FSTL4: variants seen among roughly 807,000 people sequenced by gnomAD.
FSTL4 encodes the protein follistatin-related protein 4.
FSTL4 carries 28 observed loss-of-function variants against 78.2 expected under a neutral mutation model. The ratio of observed to expected loss-of-function variants is 0.36; its 90% confidence interval spans 0.27 to 0.49. The LOEUF (loss-of-function observed/expected upper bound fraction) is 0.49. FSTL4 is among the 20% of genes least tolerant of loss of function. FSTL4 has a pLI of 0.98. For missense variants in FSTL4, 922 were observed against 1,084.9 expected, an observed-to-expected ratio of 0.85 and a Z score of 2.11; for synonymous variants, 422 against 440.5, an observed-to-expected ratio of 0.96 and a Z score of 0.53.
intron 4 of FSTL4, among the ~76,000 whole-genome samples, chr5:133,348,676 C>G (rs1277465066): frequency 6.6e-6 from 1 of 152,240 alleles, no homozygotes; most frequent in African/African-American, 2.4e-5. Flanking sequence ...ACCTGTGCCT[C>G]TCTAGTCCAG....
chr5:133,600,466 C>T (rs565496849), intron 2 of FSTL4, among the ~76,000 whole-genome samples: 13 of 151,898 alleles, frequency 8.6e-5, no homozygotes, highest in African/African-American at 3.1e-4. Flanking sequence ...ATAAATTGTA[C>T]CTCTCAGAAT....
chr5:133,502,123 G>A (rs774013523), intron 3 of FSTL4, among the ~76,000 whole-genome samples: 1 of 152,218 alleles, frequency 6.6e-6, no homozygotes, highest in Non-Finnish European at 1.5e-5. Flanking sequence ...CTCCAGAACT[G>A]TGAGAGAATA....
At position 133,401,042 on chromosome 5, in the gene FSTL4, C is replaced by G. The variant is rs934081981; in HGVS notation, c.161-56G>C. 8.2e-6 allele frequency: 13 copies of G among 1,588,628 alleles called. No individual in the cohort carries two copies. The African/African-American group carries it at 1.5e-4, about 18-fold the overall frequency. On this transcript the variant is annotated intron_variant, in intron 3 of 15. Coordinates refer to ENST00000265342, the MANE Select transcript of FSTL4 (RefSeq NM_015082.2). ...TGTAAACACTCAGAGGGTCTGGGGT[C>G]GAGGGCTTCCTTTGTAGCTCACAAG...
chr5:133,504,842 T>C (rs1758580664), intron 3 of FSTL4, among the ~76,000 whole-genome samples: 1 of 152,204 alleles, frequency 6.6e-6, no homozygotes, highest in Non-Finnish European at 1.5e-5. Flanking sequence ...TTTTCCTTCA[T>C]AGCTCTTATC....
chr5:133,422,327 C>T (rs1756714245), intron 3 of FSTL4, among the ~76,000 whole-genome samples: 1 of 151,910 alleles, frequency 6.6e-6, no homozygotes, highest in Non-Finnish European at 1.5e-5. Context: ...GGAGGATTGA[C>T]AGAAATGTGG....
chr5:133,470,520 G>A (rs993573942), intron 3 of FSTL4, among the ~76,000 whole-genome samples: 4 of 152,186 alleles, frequency 2.6e-5, no homozygotes, highest in South Asian at 2.1e-4. Context: ...TGAGGCAGGC[G>A]GATCACCTGG....
chr5:133,299,528 C>G (rs1303793483), intron 6 of FSTL4, among the ~76,000 whole-genome samples: 1 of 152,190 alleles, frequency 6.6e-6, no homozygotes, highest in East Asian at 1.9e-4. Context: ...CCAAAGTGGA[C>G]AGTCAGCCTC....
chr5:133,562,738 G>A (rs1439477123), intron 3 of FSTL4, among the ~76,000 whole-genome samples: 1 of 152,176 alleles, frequency 6.6e-6, no homozygotes, highest in African/African-American at 2.4e-5. Context: ...GCACAATCAC[G>A]GACATCTGGA....
At chr5:133,680,358 C>T in the FSTL4 span, among the ~76,000 whole-genome samples, 1 of 152,204 alleles carries the variant, frequency 6.6e-6, no homozygotes, top group Non-Finnish European at 1.5e-5. Context: ...AGGATTTCCA[C>T]CAGACGTGTA....
chr5:133,369,032 T>G (rs1399513797), intron 4 of FSTL4, among the ~76,000 whole-genome samples: 2 of 152,146 alleles, frequency 1.3e-5, no homozygotes, highest in South Asian at 4.1e-4. Flanking sequence ...GAGCCAAATG[T>G]AGGTACCCAT....
At chr5:133,624,998 T>G in the FSTL4 span, among the ~76,000 whole-genome samples, 3 of 151,792 alleles carry the variant, frequency 2.0e-5, no homozygotes, top group East Asian at 5.8e-4. Flanking sequence ...TATATAATTC[T>G]TTTTATATTT....
chr5:133,668,018 G>A, the FSTL4 span, among the ~76,000 whole-genome samples: 1 of 152,228 alleles, frequency 6.6e-6, no homozygotes, highest in Non-Finnish European at 1.5e-5. Flanking sequence ...TCACTCACAT[G>A]TTTGTGGTGA....
the FSTL4 span, among the ~76,000 whole-genome samples, chr5:133,756,622 C>T: frequency 6.6e-6 from 1 of 152,144 alleles, no homozygotes; most frequent in Non-Finnish European, 1.5e-5. Context: ...TTCACTTCTT[C>T]TCACACCCAC....
chr5:133,244,338 G>C (rs1253975163), intron 7 of FSTL4: 1 of 152,458 alleles, frequency 6.6e-6, no homozygotes, highest in African/African-American at 2.4e-5. Context: ...GGGTGCTGCT[G>C]GTGGCCACGC....
At chr5:133,530,838 C>A (rs1759236053) in intron 3 of FSTL4, among the ~76,000 whole-genome samples, 2 of 152,192 alleles carry the variant, frequency 1.3e-5, no homozygotes, top group Non-Finnish European at 2.9e-5. Flanking sequence ...AGAGACCTGG[C>A]AGGCTGAGCT....
At chr5:133,450,332 C>T (rs957923790) in intron 3 of FSTL4, among the ~76,000 whole-genome samples, 8 of 152,332 alleles carry the variant, frequency 5.3e-5, no homozygotes, top group African/African-American at 1.7e-4. Context: ...GGTGAACCTA[C>T]TGAGCCCAGA....
intron 7 of FSTL4, among the ~76,000 whole-genome samples, chr5:133,240,830 A>C (rs3763135): frequency 0.25 from 37,452 of 151,954 alleles, 5,947 homozygotes; most frequent in East Asian, 0.49. Flanking sequence ...CCTGAGAGGA[A>C]GGATAGTTAA....
At chr5:133,606,562 A>T (rs970234206) in intron 1 of FSTL4, among the ~76,000 whole-genome samples, 6 of 152,228 alleles carry the variant, frequency 3.9e-5, no homozygotes, top group African/African-American at 9.6e-5. Flanking sequence ...CAGCCATAGA[A>T]ATTTAAGCTA....
chr5:133,327,997 C>T (rs1194176781), intron 4 of FSTL4, among the ~76,000 whole-genome samples: 1 of 152,222 alleles, frequency 6.6e-6, no homozygotes, highest in East Asian at 1.9e-4. Context: ...GGTCTTTTCC[C>T]TGGAGTGTCC....
Sources: gnomAD v4.1 joint callset for allele counts (sites outside exome capture counted in the v4.1 genomes callset) on GRCh38, gnomAD v4.1.1 for gene constraint, MANE v1.5 for transcripts, NCBI Gene and HGNC (gene_info 2026-07-23, HGNC 2026-07-21) for gene names.